FBXO31: variants seen among roughly 807,000 people sequenced by gnomAD.
FBXO31 encodes F-box only protein 31.
A neutral mutation model predicts 54.4 loss-of-function variants in FBXO31; 24 were observed. The ratio of observed to expected loss-of-function variants is 0.44; its 90% CI spans 0.32 to 0.62. The LOEUF is 0.62. Among genes scored for constraint, FBXO31 ranks in the 20% least tolerant of loss-of-function variants. The pLI, the probability that FBXO31 is intolerant of heterozygous loss-of-function variation, is 0.05. For synonymous variants in FBXO31, 388 were observed against 335.6 expected, an observed-to-expected ratio of 1.16 and a Z score of -1.71; for missense variants, 665 against 787.1, an observed-to-expected ratio of 0.84 and a Z score of 1.86.
At chr16:87,378,699 C>G (rs898456289) in intron 1 of FBXO31, among the ~76,000 whole-genome samples, 4 of 152,158 alleles carry the variant, frequency 2.6e-5, no homozygotes, top group Non-Finnish European at 5.9e-5. Flanking sequence ...CGGTGGCTCA[C>G]GCCTGTAATC....
At chr16:87,337,801 G>A (rs1905078082) in intron 5 of FBXO31, among the ~76,000 whole-genome samples, 2 of 150,474 alleles carry the variant, frequency 1.3e-5, no homozygotes, top group Admixed American at 6.6e-5. Flanking sequence ...TGCAGAACCT[G>A]ATGTGATGCT....
In FBXO31 at chr16:87,383,346, G is replaced by C. The variant is rs1907168969; in HGVS notation, c.340+59C>G. The C allele has an allele frequency of 1.4e-6, 2 of 1,399,060 alleles. No individual in the cohort carries two copies. The highest frequency in any genetic ancestry group is 1.9e-6 in the Non-Finnish European group (2 of 1,038,624). The allele number at this position is 1,399,060 out of a possible 1,614,324, so 86.7% of individuals were successfully genotyped here. The stretch of plus-strand genomic sequence containing the variant: ...CCGCCCCCGCCACTCCCAGCTCCGA[G>C]GCCTCCACCTGGCAGGGACCCCCCG... On this transcript the variant is annotated intron_variant, in intron 1 of 8. Transcript: ENST00000311635. This position sits in a 1 kb window ranked among gnomAD's most constrained non-coding sequence, Gnocchi z 4.9.
At chr16:87,369,346 T>TCC (rs989250525) in intron 1 of FBXO31, among the ~76,000 whole-genome samples, 1 of 152,046 alleles carries the variant, frequency 6.6e-6, no homozygotes, top group African/African-American at 2.4e-5. Context: ...ACTCCACACT[T>TCC]CCCCAGCCCC....
chr16:87,334,119 C>A lies in FBXO31; in HGVS notation c.1164G>T (p.Ala388=). Residue 388 remains alanine, a synonymous_variant, in exon 8 of 9, where the codon GCG becomes GCT. Transcript: ENST00000311635. ...RQEQQEGGHE[A]GEGRGRQGPR... ...GGCCCTGCCGGCCACGACCCTCGCC[C>A]GCCTCGTGCCCGCCTTCCTGCTGCT... is the stretch of plus-strand genomic sequence containing the variant. 3 of 1,611,014 alleles carry A rather than the reference C, an allele frequency of 1.9e-6. No homozygotes were observed. Among genetic ancestry groups the A allele is most frequent in the Non-Finnish European group, 2.5e-6 (3 of 1,178,814 alleles).
chr16:87,355,734 C>T lies in FBXO31; in HGVS notation c.412+4561G>A, dbSNP rs143087019. 3.3e-5 allele frequency among the ~76,000 whole-genome samples: 5 copies of T among 152,320 alleles called. No individual in the cohort carries two copies. In the East Asian group the frequency reaches 9.6e-4, roughly 29 times the overall value. On this transcript the variant is annotated intron_variant, in intron 2 of 8. Coordinates refer to ENST00000311635, the MANE Select transcript of FBXO31 (RefSeq NM_024735.5). ...AATAGGAGGCTGCGCAGCCTGGATG[C>T]TCGAGAGGCCAGCCCGGCAGCGTGG... is the stretch of plus-strand genomic sequence containing the variant.
At position 87,383,303 on chromosome 16, in the gene FBXO31, G is replaced by A. The variant is rs983087257; in HGVS notation, c.340+102C>T. On this transcript the variant is annotated intron_variant, in intron 1 of 8. Coordinates refer to ENST00000311635, the MANE Select transcript of FBXO31 (RefSeq NM_024735.5). This position sits in a 1 kb window ranked among gnomAD's most constrained non-coding sequence, Gnocchi z 4.9. Reference sequence around the variant, plus strand: ...TCGCCGGGCCCCGCGCCCAACTGGTGGCCCCCGGCCGGGGCCACCGCCCCC... The same window carrying A: ...TCGCCGGGCCCCGCGCCCAACTGGTAGCCCCCGGCCGGGGCCACCGCCCCC... The A allele has an allele frequency of 8.9e-7, 1 of 1,126,050 alleles. No individual in the cohort carries two copies. The highest frequency in any genetic ancestry group is 1.7e-5 in the African/African-American group (1 of 59,652). 69.8% of individuals were successfully genotyped at this position (1,126,050 alleles called of 1,614,324 possible).
In FBXO31 at chr16:87,383,592, C is replaced by T; in HGVS notation, c.153G>A (p.Gly51=). 6.8e-7 allele frequency: 1 copy of T among 1,479,418 alleles called. No homozygotes were observed. The highest frequency in any genetic ancestry group is 2.5e-5 in the Admixed American group (1 of 40,346). 91.6% of individuals were successfully genotyped at this position (1,479,418 alleles called of 1,614,324 possible). A position where few individuals can be genotyped will look rare whatever the true frequency, so the allele number is the denominator to read the frequency against. Residue 51 remains glycine, a synonymous_variant, in exon 1 of 9, where the codon GGG becomes GGA. Coordinates refer to ENST00000311635, the MANE Select transcript of FBXO31 (RefSeq NM_024735.5). This position sits in a 1 kb window ranked among gnomAD's most constrained non-coding sequence, Gnocchi z 4.9. ...GCGAGGGGCCCGCGCACAAGCCGCC[C>T]CCGACCCCGGCGCTAGCCTCGATGC... ...EERIEASAGV[G]GGLCAGPSPP...
At chr16:87,383,842 C>A (rs1309558704), upstream of FBXO31, 5 of 899,322 alleles carry the variant, frequency 5.6e-6, no homozygotes, top group Non-Finnish European at 7.0e-6. The surrounding 1 kb of genome is among the most constrained non-coding windows in gnomAD (Gnocchi z 4.9). Flanking sequence ...GAGCTCGCCA[C>A]GCCCCCTGGA....
In FBXO31 at chr16:87,343,724, G is replaced by C. The variant is rs1905266777; in HGVS notation, c.531C>G (p.Pro177=). The change falls in exon 4 of 9, where the codon CCC becomes CCG. Residue 177 remains proline (P), a synonymous_variant. Coordinates refer to ENST00000311635, the MANE Select transcript of FBXO31 (RefSeq NM_024735.5). ...LFIIGWMYLP[P]HDPHVDDPMR... is the part of the protein sequence containing the mutation. Reference sequence around the variant, plus strand: ...TAGGGTCATCGACGTGGGGGTCATGGGGAGGCAGGTACATCCACCCGATGA... The same window carrying C: ...TAGGGTCATCGACGTGGGGGTCATGCGGAGGCAGGTACATCCACCCGATGA... 2 of 1,614,278 alleles carry C rather than the reference G, an allele frequency of 1.2e-6. No individual in the cohort carries two copies. Among genetic ancestry groups the C allele is most frequent in the African/African-American group, 2.7e-5 (2 of 75,076 alleles).
chr16:87,343,730 C>G lies in FBXO31; in HGVS notation c.525G>C (p.Leu175=). Residue 175 remains leucine, a synonymous_variant, in exon 4 of 9, where the codon CTG becomes CTC. Coordinates refer to ENST00000311635, the MANE Select transcript of FBXO31 (RefSeq NM_024735.5). ...DGLFIIGWMY[L]PPHDPHVDDP... ...CATCGACGTGGGGGTCATGGGGAGG[C>G]AGGTACATCCACCCGATGATGAACA... 6.2e-7 allele frequency: 1 copy of G among 1,614,226 alleles called. No individual in the cohort carries two copies. Among genetic ancestry groups the G allele is most frequent in the Non-Finnish European group, 8.5e-7 (1 of 1,180,042 alleles).
chr16:87,349,818 A>T (rs1395061710), intron 2 of FBXO31, among the ~76,000 whole-genome samples: 1 of 149,686 alleles, frequency 6.7e-6, no homozygotes, highest in African/African-American at 2.5e-5. Context: ...TTGAGGTGGG[A>T]GGACCACTTG....
At chr16:87,355,109 A>G (rs901249808) in intron 2 of FBXO31, among the ~76,000 whole-genome samples, 1 of 152,190 alleles carries the variant, frequency 6.6e-6, no homozygotes, top group African/African-American at 2.4e-5. Context: ...TGTAATCCCA[A>G]CACTTTGGGA....
intron 1 of FBXO31, among the ~76,000 whole-genome samples, chr16:87,376,616 A>C (rs1045296433): frequency 6.6e-6 from 1 of 152,192 alleles, no homozygotes; most frequent in African/African-American, 2.4e-5. Context: ...CTGTGAAAAG[A>C]AGAAAATAAA....
chr16:87,384,394 G>C (rs866319458), upstream of FBXO31, among the ~76,000 whole-genome samples: 4 of 152,332 alleles, frequency 2.6e-5, no homozygotes, highest in Middle Eastern at 3.4e-3. Flanking sequence ...GCCCCGGGGA[G>C]GGCTTGGAGG....
At chr16:87,380,388 T>C (rs950008501) in intron 1 of FBXO31, among the ~76,000 whole-genome samples, 116 of 151,274 alleles carry the variant, frequency 7.7e-4, no homozygotes, top group Non-Finnish European at 1.6e-4. Flanking sequence ...ATATGCCTGG[T>C]TCATCATTTT....
Position 87,336,798 on chromosome 16 carries a change from T to A in FBXO31, c.733-534A>T, listed in dbSNP as rs565440154. 6.6e-6 allele frequency among the ~76,000 whole-genome samples: 1 copy of A among 152,184 alleles called. No individual in the cohort carries two copies. Among genetic ancestry groups the A allele is most frequent in the South Asian group, 2.1e-4 (1 of 4,834 alleles). ...TCCTTTTTCAAAGGAAAAGCAGGTA[T>A]GTTAAGGCGGTTCCCAAAAACTCCG... On this transcript the variant is annotated intron_variant, in intron 5 of 8. Transcript: ENST00000311635. This position sits in a 1 kb window ranked among gnomAD's most constrained non-coding sequence, Gnocchi z 6.5.
chr16:87,339,022 G>A (rs988163899), intron 5 of FBXO31, among the ~76,000 whole-genome samples: 9 of 152,210 alleles, frequency 5.9e-5, no homozygotes, highest in Admixed American at 4.6e-4. Context: ...CGCCATGTAA[G>A]ATGCGCCTTT....
chr16:87,379,983 G>A (rs1403952374), intron 1 of FBXO31, among the ~76,000 whole-genome samples: 2 of 148,500 alleles, frequency 1.3e-5, no homozygotes, highest in African/African-American at 2.5e-5. Flanking sequence ...GGGCAAGAGA[G>A]CGAGACTCCG....
chr16:87,354,152 G>A (rs1414190813), intron 2 of FBXO31, among the ~76,000 whole-genome samples: 1 of 152,264 alleles, frequency 6.6e-6, no homozygotes, highest in Admixed American at 6.5e-5. Flanking sequence ...AGGCTAAAAT[G>A]AATTGGAGTT....
Sources: allele counts gnomAD v4.1 joint callset (sites outside exome capture counted in the v4.1 genomes callset), GRCh38; gene constraint gnomAD v4.1.1; non-coding constraint Gnocchi (gnomAD v3.1); transcripts MANE v1.5; gene names NCBI Gene and HGNC (gene_info 2026-07-23, HGNC 2026-07-21).